NOS1AP: variants seen among roughly 807,000 people sequenced by gnomAD.
NOS1AP encodes nitric oxide synthase 1 adaptor protein.
Under a neutral mutation model 56.2 loss-of-function variants are expected in NOS1AP, and 21 were observed. That is an observed-to-expected ratio of 0.37 (90% confidence interval 0.26 to 0.54). The LOEUF is 0.54. Ranked by LOEUF, NOS1AP falls within the 20% of genes least tolerant of loss-of-function variation. The pLI, the probability that NOS1AP is intolerant of heterozygous loss-of-function variation, is 0.84. For missense variants in NOS1AP, 522 were observed against 657.8 expected (o/e 0.79, Z 2.26); for synonymous variants, 270 against 274.6 (o/e 0.98, Z 0.17).
intron 2 of NOS1AP, among the ~76,000 whole-genome samples, chr1:162,252,183 A>G (rs1280417395): frequency 6.6e-6 from 1 of 152,050 alleles, no homozygotes; most frequent in South Asian, 2.1e-4. Flanking sequence ...AGTAGCTGGG[A>G]CTATAGGTGT....
At chr1:162,124,556 C>G (rs1648395186) in intron 1 of NOS1AP, among the ~76,000 whole-genome samples, 1 of 151,454 alleles carries the variant, frequency 6.6e-6, no homozygotes, top group Non-Finnish European at 1.5e-5. Flanking sequence ...GAGTTTTGCT[C>G]TTGTAGTCCA....
intron 1 of NOS1AP, among the ~76,000 whole-genome samples, chr1:162,122,652 C>A (rs551828908): frequency 5.9e-5 from 9 of 151,766 alleles, no homozygotes; most frequent in Non-Finnish European, 1.2e-4. Flanking sequence ...GGACTATAGG[C>A]GCTTACCACC....
intron 1 of NOS1AP, among the ~76,000 whole-genome samples, chr1:162,107,043 T>C (rs1647541973): frequency 6.6e-6 from 1 of 152,166 alleles, no homozygotes; most frequent in African/African-American, 2.4e-5. Context: ...GGGTCAGCTG[T>C]GGTGCTTCCA....
At chr1:162,309,269 C>A (rs575970494) in intron 4 of NOS1AP, among the ~76,000 whole-genome samples, 1 of 152,080 alleles carries the variant, frequency 6.6e-6, no homozygotes, top group African/African-American at 2.4e-5. Flanking sequence ...ATTCAGGAAC[C>A]ATATCAAACT....
intron 4 of NOS1AP, among the ~76,000 whole-genome samples, chr1:162,311,238 T>C (rs2819322): frequency 0.56 from 85,686 of 151,960 alleles, 24,313 homozygotes; most frequent in South Asian, 0.6. Flanking sequence ...TGTTCTTCTG[T>C]GTTGCCCTGC....
At chr1:162,341,323 CTG>C (rs990738330) in intron 5 of NOS1AP, among the ~76,000 whole-genome samples, 11 of 152,182 alleles carry the variant, frequency 7.2e-5, no homozygotes, top group Admixed American at 5.2e-4. Context: ...TTCTATATAA[CTG>C]TATTTTAAAG....
chr1:162,091,340 T>A (rs1394669759), intron 1 of NOS1AP, among the ~76,000 whole-genome samples: 4 of 152,184 alleles, frequency 2.6e-5, no homozygotes. Context: ...GGGTTCAGGT[T>A]CATCATATGC....
chr1:162,281,497 G>A (rs1170368038), intron 2 of NOS1AP, among the ~76,000 whole-genome samples: 1 of 152,194 alleles, frequency 6.6e-6, no homozygotes, highest in Non-Finnish European at 1.5e-5. Context: ...ATAGAGGCTT[G>A]CATATTGCTG....
rs1462967590 is a variant in NOS1AP at position 162,254,451 on chromosome 1, GCAAAGC to G, written c.178-32890_178-32885del. On this transcript the variant is annotated intron_variant, in intron 2 of 9. Coordinates refer to ENST00000361897, the MANE Select transcript of NOS1AP (RefSeq NM_014697.3). Reference sequence around the variant, plus strand: ...CAGCAGGGGCCAGTGGTTTTAAAGGGCAAAGCCATGGGCCTGCTAGATGATGATGGA... The same window carrying G: ...CAGCAGGGGCCAGTGGTTTTAAAGGGCATGGGCCTGCTAGATGATGATGGA... Among the ~76,000 whole-genome samples the G allele has an allele frequency of 4.6e-5, 7 of 152,304 alleles. No individual in the cohort carries two copies. The East Asian group carries it at 1.4e-3, about 29-fold the overall frequency.
intron 2 of NOS1AP, among the ~76,000 whole-genome samples, chr1:162,275,546 C>G (rs1654706309): frequency 6.6e-6 from 1 of 152,130 alleles, no homozygotes; most frequent in South Asian, 2.1e-4. Context: ...CTGATCTGGT[C>G]ACATCTCACT....
At chr1:162,079,010 A>G (rs1691832183) in intron 1 of NOS1AP, among the ~76,000 whole-genome samples, 1 of 152,186 alleles carries the variant, frequency 6.6e-6, no homozygotes, top group Admixed American at 6.5e-5. Flanking sequence ...ATTTTGAATG[A>G]AAGAGATGAT....
At chr1:162,185,488 T>C (rs1376048244) in intron 2 of NOS1AP, among the ~76,000 whole-genome samples, 2 of 152,200 alleles carry the variant, frequency 1.3e-5, no homozygotes, top group African/African-American at 4.8e-5. Flanking sequence ...ACTCAAGTCT[T>C]GATGGGGGTT....
chr1:162,307,816 AG>A (rs1166138481), intron 4 of NOS1AP, among the ~76,000 whole-genome samples: 1 of 151,900 alleles, frequency 6.6e-6, no homozygotes, highest in Non-Finnish European at 1.5e-5. Flanking sequence ...GTCTCAAAAA[AG>A]AAAAAAAAAA....
In NOS1AP at chr1:162,289,941, C is replaced by T. The variant is rs1655234640; in HGVS notation, c.270+2505C>T. 2.6e-5 allele frequency among the ~76,000 whole-genome samples: 4 copies of T among 152,152 alleles called. No individual in the cohort carries two copies. The South Asian group carries it at 8.3e-4, about 32-fold the overall frequency. On this transcript the variant is annotated intron_variant, in intron 3 of 9. Coordinates refer to ENST00000361897, the MANE Select transcript of NOS1AP (RefSeq NM_014697.3). Reference sequence around the variant, plus strand: ...TCACCTCACTGTCTCTCCCATGTACCTTTACCACGTGTGGTGGCTTCCCCA... The same window carrying T: ...TCACCTCACTGTCTCTCCCATGTACTTTTACCACGTGTGGTGGCTTCCCCA...
At chr1:162,209,262 AG>A (rs1557833530) in intron 2 of NOS1AP, among the ~76,000 whole-genome samples, 1 of 152,182 alleles carries the variant, frequency 6.6e-6, no homozygotes, top group East Asian at 1.9e-4. Context: ...GTAGGGCCCA[AG>A]TGTCTCAGGG....
intron 3 of NOS1AP, among the ~76,000 whole-genome samples, chr1:162,294,807 G>A (rs926947323): frequency 3.9e-5 from 6 of 152,132 alleles, no homozygotes; most frequent in Admixed American, 3.3e-4. Flanking sequence ...TATAGAATTT[G>A]GGCATGGCAG....
chr1:162,313,899 C>T (rs1656142619), intron 4 of NOS1AP, among the ~76,000 whole-genome samples: 1 of 152,082 alleles, frequency 6.6e-6, no homozygotes. Flanking sequence ...ATTCAGTCAT[C>T]CTGAAACATG....
At chr1:162,210,132 G>A (rs1377226537) in intron 2 of NOS1AP, among the ~76,000 whole-genome samples, 1 of 152,192 alleles carries the variant, frequency 6.6e-6, no homozygotes, top group East Asian at 1.9e-4. Context: ...TATATGGGAG[G>A]GATGGGTGGT....
At chr1:162,308,749 G>C (rs1282958925) in intron 4 of NOS1AP, among the ~76,000 whole-genome samples, 5 of 152,198 alleles carry the variant, frequency 3.3e-5, no homozygotes, top group Non-Finnish European at 7.3e-5. Context: ...ATTTGGAGCT[G>C]AGTAGCAATA....
Sources: gnomAD v4.1 joint callset for allele counts (sites outside exome capture counted in the v4.1 genomes callset) on GRCh38, gnomAD v4.1.1 for gene constraint, MANE v1.5 for transcripts, NCBI Gene and HGNC (gene_info 2026-07-23, HGNC 2026-07-21) for gene names.